The following DCUN1D1 variants were observed in gnomAD, a reference collection of about 807,000 sequenced individuals.
DCUN1D1 encodes DCN1-like protein 1.
A neutral mutation model predicts 39.0 loss-of-function variants in DCUN1D1; 3 were observed. That is an observed-to-expected ratio of 0.08 (90% confidence interval 0.04 to 0.20). The LOEUF (loss-of-function observed/expected upper bound fraction) is 0.20. DCUN1D1 is among the 10% of genes least tolerant of loss of function. The pLI is 1.00. For synonymous variants in DCUN1D1, 82 were observed against 96.3 expected, an observed-to-expected ratio of 0.85 and a Z score of 0.87; for missense variants, 158 against 302.4, an observed-to-expected ratio of 0.52 and a Z score of 3.54.
In DCUN1D1 at chr3:182,948,393, TAAGA is replaced by T. The variant is rs547307475; in HGVS notation, c.521-765_521-762del. Among the ~76,000 whole-genome samples, 482 of 152,230 alleles carry T rather than the reference TAAGA, an allele frequency of 3.2e-3. 4 individuals carry two copies. The highest frequency in any genetic ancestry group is 0.011 in the African/African-American group (462 of 41,538). ...GGGTAGAGAAGGCAATAATGCCGCATAAGAAAGAGCTACACTTACCACACGACAG... is the reference window on the plus strand; with the variant it reads ...GGGTAGAGAAGGCAATAATGCCGCATAAGAGCTACACTTACCACACGACAG... On this transcript the variant is annotated intron_variant, in intron 4 of 6. Coordinates refer to ENST00000292782, the MANE Select transcript of DCUN1D1 (RefSeq NM_020640.4).
At position 182,961,359 on chromosome 3, in the gene DCUN1D1, G is replaced by A. The variant is rs750468790; in HGVS notation, c.390-3C>T. The A allele has an allele frequency of 1.9e-6, 3 of 1,581,542 alleles. No individual in the cohort carries two copies. Among genetic ancestry groups the A allele is most frequent in the Non-Finnish European group, 2.6e-6 (3 of 1,169,574 alleles). On this transcript the variant is annotated splice_region_variant and splice_polypyrimidine_tract_variant and intron_variant, in intron 3 of 6. Coordinates refer to ENST00000292782, the MANE Select transcript of DCUN1D1 (RefSeq NM_020640.4). ...TTAGTTTTTCTATGCTGTCACATCT[G>A]CGTCGTAAAATTAAGTTTATAAAAG...
intron 1 of DCUN1D1, among the ~76,000 whole-genome samples, chr3:182,971,827 C>T (rs1215573594): frequency 2.6e-5 from 4 of 152,044 alleles, no homozygotes; most frequent in African/African-American, 9.7e-5. Context: ...TGCAGTCTCG[C>T]CATTTACTAC....
intron 6 of DCUN1D1, among the ~76,000 whole-genome samples, chr3:182,946,473 C>T (rs906946988): frequency 2.8e-5 from 4 of 144,592 alleles, no homozygotes; most frequent in African/African-American, 1.0e-4. Context: ...AGCAGAATCG[C>T]TTGAACCCAG....
At chr3:182,946,521 C>T (rs182223904) in intron 6 of DCUN1D1, among the ~76,000 whole-genome samples, 1,363 of 131,238 alleles carry the variant, frequency 0.01, 21 homozygotes, top group African/African-American at 0.036. Context: ...TGCGCCACTG[C>T]ACTCCAGCCT....
intron 4 of DCUN1D1, among the ~76,000 whole-genome samples, chr3:182,958,095 T>C (rs1329766382): frequency 6.6e-6 from 1 of 152,132 alleles, no homozygotes. Flanking sequence ...AATTCCTCTC[T>C]GCCAAATCTT....
intron 1 of DCUN1D1, among the ~76,000 whole-genome samples, chr3:182,974,829 TA>T: frequency 6.6e-6 from 1 of 152,078 alleles, no homozygotes; most frequent in East Asian, 1.9e-4. Flanking sequence ...GACTAGGTAC[TA>T]ATTATATAAA....
At chr3:182,983,040 G>C (rs1250423759), upstream of DCUN1D1, among the ~76,000 whole-genome samples, 1 of 152,104 alleles carries the variant, frequency 6.6e-6, no homozygotes. Flanking sequence ...TTTCTATAAT[G>C]CAAATGTGAA....
intron 1 of DCUN1D1, among the ~76,000 whole-genome samples, chr3:182,973,531 G>A (rs1313284461): frequency 3.3e-5 from 5 of 152,178 alleles, no homozygotes; most frequent in African/African-American, 7.2e-5. Flanking sequence ...AGAAGTGGCC[G>A]GGCGCAGTGG....
intron 4 of DCUN1D1, 144 bp from the exon 5 acceptor site, chr3:182,947,776 T>G: frequency 1.8e-6 from 1 of 565,774 alleles, no homozygotes; most frequent in Non-Finnish European, 3.1e-6. Flanking sequence ...TATTAAAAAT[T>G]TCCTATACAA....
At chr3:182,976,452 C>CAT (rs1728246446) in intron 1 of DCUN1D1, among the ~76,000 whole-genome samples, 4 of 54,806 alleles carry the variant, frequency 7.3e-5, no homozygotes, top group Non-Finnish European at 6.6e-5. Flanking sequence ...CATACACACA[C>CAT]ACACACACAC....
intron 4 of DCUN1D1, among the ~76,000 whole-genome samples, chr3:182,954,484 G>C (rs373514185): frequency 2.6e-4 from 39 of 152,270 alleles, no homozygotes; most frequent in South Asian, 2.5e-3. Context: ...TGCTGAACGA[G>C]AGCCTTGCTG....
upstream of DCUN1D1, among the ~76,000 whole-genome samples, chr3:182,982,629 C>A (rs539870878): frequency 6.6e-6 from 1 of 152,134 alleles, no homozygotes; most frequent in Admixed American, 6.5e-5. Flanking sequence ...TTAGCCAATT[C>A]TTTTTGTTGT....
chr3:182,980,120 G>A (rs756220715), intron 1 of DCUN1D1: 32 of 943,544 alleles, frequency 3.4e-5, no homozygotes, highest in Non-Finnish European at 3.9e-5. Flanking sequence ...AATGGAGCCG[G>A]CAGAGGGGCA....
At chr3:182,958,710 A>C (rs1264597217) in intron 4 of DCUN1D1, among the ~76,000 whole-genome samples, 1 of 152,190 alleles carries the variant, frequency 6.6e-6, no homozygotes, top group East Asian at 1.9e-4. Context: ...AACAGAATAA[A>C]CACACATAAT....
At chr3:182,957,598 C>A (rs937730910) in intron 4 of DCUN1D1, among the ~76,000 whole-genome samples, 2 of 151,224 alleles carry the variant, frequency 1.3e-5, no homozygotes, top group African/African-American at 4.9e-5. Flanking sequence ...TACAGTCCAA[C>A]CTAGGCAAGA....
intron 1 of DCUN1D1, among the ~76,000 whole-genome samples, chr3:182,977,497 C>T (rs1469180211): frequency 3.3e-5 from 5 of 151,882 alleles, no homozygotes; most frequent in African/African-American, 1.2e-4. Flanking sequence ...AGTGCAATGA[C>T]GCGATCTCGG....
At chr3:182,977,405 T>C (rs770698203) in intron 1 of DCUN1D1, among the ~76,000 whole-genome samples, 4 of 152,164 alleles carry the variant, frequency 2.6e-5, no homozygotes, top group Non-Finnish European at 5.9e-5. Flanking sequence ...AGTCCAATCC[T>C]GCCATCTTAT....
At chr3:182,975,851 TAAAAAAA>T (rs533263687) in intron 1 of DCUN1D1, among the ~76,000 whole-genome samples, 1 of 66,816 alleles carries the variant, frequency 1.5e-5, no homozygotes, top group East Asian at 4.4e-4. Context: ...CCAGATATGC[TAAAAAAA>T]AAAAAAAAAA....
chr3:182,951,065 T>A (rs1486866915), intron 4 of DCUN1D1: 1 of 149,914 alleles, frequency 6.7e-6, no homozygotes, highest in Non-Finnish European at 1.5e-5. Flanking sequence ...GGCACTTCCC[T>A]TTTAATCTTT....
Sources: gnomAD v4.1 joint callset for allele counts (sites outside exome capture counted in the v4.1 genomes callset) on GRCh38, gnomAD v4.1.1 for gene constraint, MANE v1.5 for transcripts, NCBI Gene and HGNC (gene_info 2026-07-23, HGNC 2026-07-21) for gene names.